TMPRSS13: variants seen among roughly 807,000 people sequenced by gnomAD.
The protein encoded by TMPRSS13 is transmembrane protease serine 13.
TMPRSS13 carries 50 observed loss-of-function variants against 68.4 expected under a neutral mutation model. The ratio of observed to expected loss-of-function variants is 0.73; its 90% CI spans 0.58 to 0.93. The LOEUF (loss-of-function observed/expected upper bound fraction) is 0.93, where lower values mean the gene tolerates loss of function less well. Ranked by LOEUF, TMPRSS13 falls within the 40% of genes least tolerant of loss-of-function variation. The pLI is 0.00. For missense variants in TMPRSS13, 615 were observed against 729.2 expected (o/e 0.84, Z 1.80); for synonymous variants, 267 against 285.8 (o/e 0.93, Z 0.66).
Position 117,913,663 on chromosome 11 carries a change from C to A in TMPRSS13, c.809+114G>T, listed in dbSNP as rs189800460. On this transcript the variant is annotated intron_variant, in intron 5 of 12. Coordinates refer to ENST00000524993, the MANE Select transcript of TMPRSS13 (RefSeq NM_001077263.3). The stretch of plus-strand genomic sequence containing the variant: ...GGGTGTCCAGAGCTAGTGAGATCAG[C>A]CCCGGTCCCCAAGGGTCTTTTTAAT... 6.0e-5 allele frequency: 83 copies of A among 1,383,134 alleles called. No homozygotes were observed. In the African/African-American group the frequency reaches 1.0e-3, roughly 17 times the overall value. 85.7% of individuals were successfully genotyped at this position (1,383,134 alleles called of 1,614,324 possible). A position where few individuals can be genotyped will look rare whatever the true frequency, so the allele number is the denominator to read the frequency against.
At position 117,914,546 on chromosome 11, in the gene TMPRSS13, G is replaced by A. The variant is rs758460938; in HGVS notation, c.557-32C>T. ...AAAAAGAAGCAGACAGCTGGGTCAT[G>A]GCCAGCCCCACTGAGATGAGACACT... is the stretch of plus-strand genomic sequence containing the variant. On this transcript the variant is annotated intron_variant, in intron 3 of 12. Transcript: ENST00000524993. This position sits in a 1 kb window ranked among gnomAD's most constrained non-coding sequence, Gnocchi z 4.2. 5.0e-6 allele frequency: 8 copies of A among 1,611,482 alleles called. No homozygotes were observed. Among genetic ancestry groups the A allele is most frequent in the Non-Finnish European group, 6.8e-6 (8 of 1,179,666 alleles).
chr11:117,926,895 T>A (rs1323415418), intron 1 of TMPRSS13, among the ~76,000 whole-genome samples: 1 of 152,232 alleles, frequency 6.6e-6, no homozygotes, highest in East Asian at 1.9e-4. Flanking sequence ...TATCTCTCTA[T>A]GCCAGATGCT....
chr11:117,903,645 G>T lies in TMPRSS13; in HGVS notation c.1677+10C>A. On this transcript the variant is annotated intron_variant, in intron 12 of 12. Transcript: ENST00000524993. ...CTGCTGGGTGCAGTGTCCTGCTGCA[G>T]GGATCTTACCTCCATCTTGCTGTAA... 1.9e-6 allele frequency: 3 copies of T among 1,614,158 alleles called. No homozygotes were observed. The highest frequency in any genetic ancestry group is 2.5e-6 in the Non-Finnish European group (3 of 1,180,020).
intron 10 of TMPRSS13, among the ~76,000 whole-genome samples, chr11:117,904,716 A>G (rs1052349408): frequency 6.6e-6 from 1 of 151,842 alleles, no homozygotes; most frequent in Non-Finnish European, 1.5e-5. Flanking sequence ...TTGGGATGAC[A>G]TGAAAACAAG....
intron 12 of TMPRSS13, chr11:117,903,403 C>CA (rs1454296899): frequency 2.6e-6 from 4 of 1,535,864 alleles, no homozygotes; most frequent in Non-Finnish European, 3.5e-6. Context: ...ATCTGCCCAG[C>CA]AACTGCCTGC....
At chr11:117,902,358 C>T in intron 12 of TMPRSS13, 93 bp from the exon 13 acceptor site, 1 of 1,409,552 alleles carries the variant, frequency 7.1e-7, no homozygotes, top group Non-Finnish European at 1.0e-6. Flanking sequence ...TATAATTTAG[C>T]CTCGCTGTCA....
chr11:117,913,476 C>A (rs1280178012), intron 5 of TMPRSS13, among the ~76,000 whole-genome samples: 1 of 152,166 alleles, frequency 6.6e-6, no homozygotes, highest in Non-Finnish European at 1.5e-5. Flanking sequence ...GGGCCACCAC[C>A]ACGATCAGTG....
At chr11:117,920,886 T>C (rs2057638496) in intron 1 of TMPRSS13, among the ~76,000 whole-genome samples, 1 of 152,218 alleles carries the variant, frequency 6.6e-6, no homozygotes, top group Non-Finnish European at 1.5e-5. Flanking sequence ...CTGCGTTTCC[T>C]GGGCAAGCGA....
chr11:117,903,395 C>G (rs2057427645), intron 12 of TMPRSS13: 1 of 1,534,986 alleles, frequency 6.5e-7, no homozygotes, highest in Non-Finnish European at 8.7e-7. Flanking sequence ...GGGAGAACAT[C>G]TGCCCAGCAA....
At chr11:117,909,728 A>G in intron 8 of TMPRSS13, 78 bp downstream of exon 8, 1 of 1,508,722 alleles carries the variant, frequency 6.6e-7, no homozygotes. Flanking sequence ...CTCCACGAAG[A>G]AGTCAGTCTG....
chr11:117,903,846 G>C, intron 11 of TMPRSS13, 39 bp from the exon 12 acceptor site: 1 of 1,603,376 alleles, frequency 6.2e-7, no homozygotes, highest in Non-Finnish European at 8.5e-7. Flanking sequence ...GATGGGACAG[G>C]TGGTCCATGA....
intron 1 of TMPRSS13, among the ~76,000 whole-genome samples, chr11:117,924,779 C>T (rs78466564): frequency 0.044 from 6,704 of 152,198 alleles, 225 homozygotes; most frequent in East Asian, 0.18. Flanking sequence ...TCCCCCTCCC[C>T]GAACCCAGAG....
chr11:117,903,465 A>C (rs1565343982), intron 12 of TMPRSS13, 190 bp downstream of exon 12: 45 of 1,538,372 alleles, frequency 2.9e-5, no homozygotes, highest in Non-Finnish European at 3.6e-5. Flanking sequence ...TTCTGAGGGA[A>C]GAAAAGCAGG....
chr11:117,913,883 G>A lies in TMPRSS13; in HGVS notation c.703C>T (p.Leu235=). 1.2e-6 allele frequency: 2 copies of A among 1,613,994 alleles called. No homozygotes were observed. Among genetic ancestry groups the A allele is most frequent in the Non-Finnish European group, 1.7e-6 (2 of 1,179,996 alleles). Residue 235 remains leucine (L), a synonymous_variant, in exon 5 of 13, where the codon CTG becomes TTG. Coordinates refer to ENST00000524993, the MANE Select transcript of TMPRSS13 (RefSeq NM_001077263.3). The stretch of plus-strand genomic sequence containing the variant: ...GAGGACCCAGAGTAGATTTTAAGCA[G>A]AGACTTGTCCCAGTCAAACCTCACT... The part of the protein sequence containing the change: ...GCVRFDWDKS[L]LKIYSGSSHQ...
chr11:117,905,208 A>G (rs2057452022), intron 10 of TMPRSS13, among the ~76,000 whole-genome samples: 1 of 151,706 alleles, frequency 6.6e-6, no homozygotes, highest in Admixed American at 6.6e-5. Flanking sequence ...AGATAAGATT[A>G]TTAAGGTTCC....
Position 117,900,828 on chromosome 11 carries a change from G to A in TMPRSS13, c.*1411C>T, listed in dbSNP as rs2057405715. ...GAGCGGCCATGGCCTGCCTGAGCTG[G>A]GCTAGGCTGGGCTGATCTGCTTGGA... On this transcript the variant is annotated 3_prime_UTR_variant, in exon 13 of 13. Coordinates refer to ENST00000524993, the MANE Select transcript of TMPRSS13 (RefSeq NM_001077263.3). The A allele has an allele frequency of 6.6e-6, 1 of 152,290 alleles. No homozygotes were observed. The highest frequency in any genetic ancestry group is 2.4e-5 in the African/African-American group (1 of 41,458). 9.4% of individuals were successfully genotyped at this position (152,290 alleles called of 1,614,324 possible). A position where few individuals can be genotyped will look rare whatever the true frequency, so the allele number is the denominator to read the frequency against.
rs1416054983 is a variant in TMPRSS13, at chr11:117,901,907, T to C, written c.*332A>G. 2 of 376,100 alleles carry C rather than the reference T, an allele frequency of 5.3e-6. No individual in the cohort carries two copies. The highest frequency in any genetic ancestry group is 5.1e-5 in the East Asian group (1 of 19,594). The allele number at this position is 376,100 out of a possible 1,614,324, so 23.3% of individuals were successfully genotyped here. On this transcript the variant is annotated 3_prime_UTR_variant, in exon 13 of 13. Transcript: ENST00000524993. ...AGAAGCAAGAATTCCCAGCTCTTCC[T>C]TGGGCTCTGGGCTCCACCTCCTCCA...
chr11:117,908,871 G>C, intron 8 of TMPRSS13, 87 bp from the exon 9 acceptor site: 2 of 1,346,628 alleles, frequency 1.5e-6, no homozygotes, highest in Non-Finnish European at 1.0e-6. Flanking sequence ...GCCACAGTCA[G>C]AGCACCAGCT....
In TMPRSS13 at chr11:117,916,829, C is replaced by T. The variant is rs139756883; in HGVS notation, c.556+341G>A. The stretch of plus-strand genomic sequence containing the variant: ...GAAGTTGGAATGAGAACTTACGGGA[C>T]ACATAGTAATGAAATGGGTGAATGA... On this transcript the variant is annotated intron_variant, in intron 3 of 12. Transcript: ENST00000524993. Among the ~76,000 whole-genome samples, 811 of 152,298 alleles carry T rather than the reference C, an allele frequency of 5.3e-3. 3 individuals are homozygous for T. The highest frequency in any genetic ancestry group is 0.018 in the African/African-American group (756 of 41,562).
Sources: gnomAD v4.1 joint callset for allele counts (sites outside exome capture counted in the v4.1 genomes callset) on GRCh38, gnomAD v4.1.1 for gene constraint, Gnocchi (gnomAD v3.1) non-coding constraint, MANE v1.5 for transcripts, NCBI Gene and HGNC (gene_info 2026-07-23, HGNC 2026-07-21) for gene names.